The following ANK3 variants were observed in gnomAD, a reference collection of about 807,000 sequenced individuals.
The protein encoded by ANK3 is ankyrin 3.
A neutral mutation model predicts 370.9 loss-of-function variants in ANK3; 57 were observed. The ratio of observed to expected loss-of-function variants is 0.15; its 90% CI spans 0.12 to 0.19. The LOEUF is 0.19. ANK3 is among the 10% of genes least tolerant of loss of function. The probability of loss-of-function intolerance (pLI) is 1.00; values close to 1 mark genes in which losing one functional copy is unlikely to be tolerated. For missense variants in ANK3, 4,439 were observed against 5,302.1 expected (o/e 0.84, Z 5.06); for synonymous variants, 1,929 against 1,946.3 (o/e 0.99, Z 0.23).
Position 60,134,289 on chromosome 10 carries a change from AAGG to A in ANK3, c.2820_2822del (p.Leu941del). The A allele has an allele frequency of 6.2e-7, 1 of 1,613,898 alleles. No homozygotes were observed. The highest frequency in any genetic ancestry group is 8.5e-7 in the Non-Finnish European group (1 of 1,179,896). Reference sequence around the variant, plus strand: ...TGCATACCTGCTCTTTGGATGGCACAAGGAGTTCTTCAATCATCATGCTGTCCC... The same window carrying A: ...TGCATACCTGCTCTTTGGATGGCACAAGTTCTTCAATCATCATGCTGTCCC... On this transcript the variant is annotated inframe_deletion, in exon 25 of 44. Coordinates refer to ENST00000280772, the MANE Select transcript of ANK3 (RefSeq NM_020987.5).
intron 1 of ANK3, among the ~76,000 whole-genome samples, chr10:60,351,271 C>A (rs1237631462): frequency 6.6e-6 from 1 of 152,110 alleles, no homozygotes; most frequent in Non-Finnish European, 1.5e-5. Context: ...GAAAGTTTTT[C>A]TTTGGGGGCA....
chr10:60,596,906 A>G (rs928584968), intron 2 of ANK3, among the ~76,000 whole-genome samples: 2 of 152,120 alleles, frequency 1.3e-5, no homozygotes, highest in Non-Finnish European at 2.9e-5. Flanking sequence ...GACATTAGAA[A>G]CCCCAAAATT....
chr10:60,642,644 G>GA (rs56178605), intron 1 of ANK3, among the ~76,000 whole-genome samples: 1 of 150,648 alleles, frequency 6.6e-6, no homozygotes, highest in Non-Finnish European at 1.5e-5. Flanking sequence ...GGGTGGGGGG[G>GA]CGAGGGATAG....
chr10:60,398,312 G>C (rs1349887419), intron 2 of ANK3, among the ~76,000 whole-genome samples: 1 of 152,184 alleles, frequency 6.6e-6, no homozygotes, highest in Non-Finnish European at 1.5e-5. Context: ...CTGCAGGCCT[G>C]TTTGCTGACT....
chr10:60,672,560 A>G (rs115940104), intron 1 of ANK3, among the ~76,000 whole-genome samples: 6,215 of 152,314 alleles, frequency 0.041, 161 homozygotes, highest in Middle Eastern at 0.071. Flanking sequence ...ATGAAGACAG[A>G]AGCTCCAGTG....
chr10:60,331,845 T>G (rs1387423727), intron 1 of ANK3, among the ~76,000 whole-genome samples: 1 of 152,228 alleles, frequency 6.6e-6, no homozygotes, highest in Non-Finnish European at 1.5e-5. Context: ...ACTGAAGACC[T>G]GACTTCATTC....
chr10:60,656,557 C>T (rs566467014), intron 1 of ANK3, among the ~76,000 whole-genome samples: 144 of 152,042 alleles, frequency 9.5e-4, no homozygotes, highest in African/African-American at 3.2e-3. Flanking sequence ...TTAGGGTTTA[C>T]TTTGTTTTTC....
intron 7 of ANK3, among the ~76,000 whole-genome samples, chr10:60,253,164 G>A (rs2097691939): frequency 6.6e-6 from 1 of 152,226 alleles, no homozygotes; most frequent in African/African-American, 2.4e-5. Flanking sequence ...TATTGTGAAA[G>A]GGGGAGGGAA....
chr10:60,673,691 G>T (rs75273345), intron 1 of ANK3, among the ~76,000 whole-genome samples: 1,788 of 152,154 alleles, frequency 0.012, 33 homozygotes, highest in African/African-American at 0.04. Flanking sequence ...AAGTGTTCAC[G>T]GTAAAAATAA....
Position 60,690,680 on chromosome 10 carries a change from G to A in ANK3, c.57+42583C>T, listed in dbSNP as rs115952792. On this transcript the variant is annotated intron_variant, in intron 1 of 43. Transcript: ENST00000373827. ...ATCTAGGGCTGCTGCCACCACCATC[G>A]TCTCCCAAATCTCTGGTAAAAATAA... Among the ~76,000 whole-genome samples, 420 of 152,056 alleles carry A rather than the reference G, an allele frequency of 2.8e-3. 1 individual carries two copies. The highest frequency in any genetic ancestry group is 9.8e-3 in the African/African-American group (406 of 41,442).
intron 1 of ANK3, among the ~76,000 whole-genome samples, chr10:60,727,788 A>G (rs2079962855): frequency 6.6e-6 from 1 of 152,146 alleles, no homozygotes. Context: ...AAAAAGAGAG[A>G]CCTAATCAAC....
At chr10:60,691,892 G>A (rs56197302) in intron 1 of ANK3, among the ~76,000 whole-genome samples, 7,928 of 152,140 alleles carry the variant, frequency 0.052, 290 homozygotes, top group African/African-American at 0.086. Context: ...GCATATACAC[G>A]TGTACCTGTG....
At chr10:60,250,421 G>T (rs1049956097) in intron 7 of ANK3, among the ~76,000 whole-genome samples, 1 of 152,166 alleles carries the variant, frequency 6.6e-6, no homozygotes, top group East Asian at 1.9e-4. Flanking sequence ...CTGGAGTGCA[G>T]TGGCACAATC....
At chr10:60,205,750 T>C in intron 11 of ANK3, 42 bp downstream of exon 11, 1 of 1,428,416 alleles carries the variant, frequency 7.0e-7, no homozygotes, top group Non-Finnish European at 9.9e-7. Flanking sequence ...AAGGCTATAC[T>C]CTCAGTATCT....
intron 1 of ANK3, among the ~76,000 whole-genome samples, chr10:60,364,767 T>C (rs1258232501): frequency 6.6e-6 from 1 of 151,920 alleles, no homozygotes; most frequent in Non-Finnish European, 1.5e-5. Flanking sequence ...TTTCCTAATG[T>C]AATGAGAAAA....
chr10:60,057,981 A>C (rs1165543064), intron 41 of ANK3, among the ~76,000 whole-genome samples: 1 of 152,232 alleles, frequency 6.6e-6, no homozygotes, highest in African/African-American at 2.4e-5. Flanking sequence ...AATGACATAA[A>C]AATATAAAAT....
rs991335984 is a variant in ANK3, at chr10:60,088,567, G to A, written c.3329-209C>T. Among the ~76,000 whole-genome samples, 5 of 152,072 alleles carry A rather than the reference G, an allele frequency of 3.3e-5. No individual in the cohort carries two copies. In the South Asian group the frequency reaches 6.2e-4, roughly 19 times the overall value. On this transcript the variant is annotated intron_variant, in intron 28 of 43. Coordinates refer to ENST00000280772, the MANE Select transcript of ANK3 (RefSeq NM_020987.5). Reference sequence around the variant, plus strand: ...CAGCCTCCCAAGTAGCTGGGATTACGGGCATGCACCTCCATGCCCAGCTAA... The same window carrying A: ...CAGCCTCCCAAGTAGCTGGGATTACAGGCATGCACCTCCATGCCCAGCTAA...
intron 16 of ANK3, among the ~76,000 whole-genome samples, chr10:60,192,535 T>C (rs1387810627): frequency 6.6e-6 from 1 of 151,994 alleles, no homozygotes; most frequent in Non-Finnish European, 1.5e-5. Flanking sequence ...AAGAATAAAA[T>C]TATGTCTTTT....
At chr10:60,152,846 T>C (rs1399822640) in intron 23 of ANK3, among the ~76,000 whole-genome samples, 1 of 152,094 alleles carries the variant, frequency 6.6e-6, no homozygotes, top group African/African-American at 2.4e-5. Flanking sequence ...CTCAAGGTAA[T>C]TGCTTTCTAT....
Sources: allele counts gnomAD v4.1 joint callset (sites outside exome capture counted in the v4.1 genomes callset), GRCh38; gene constraint gnomAD v4.1.1; transcripts MANE v1.5; gene names NCBI Gene and HGNC (gene_info 2026-07-23, HGNC 2026-07-21).